The following SLC9D1 variants were observed in gnomAD, a reference collection of about 807,000 sequenced individuals.
The protein encoded by SLC9D1 is putative LAG1-interacting protein.
At chr13:113,548,414 G>A in the SLC9D1 span, 2 of 1,612,382 alleles carry the variant, frequency 1.2e-6, no homozygotes, top group Non-Finnish European at 1.7e-6. Flanking sequence ...CTTTGTCCTG[G>A]GGAGCCGGGC....
At chr13:113,538,105 A>G in the SLC9D1 span, among the ~76,000 whole-genome samples, 3 of 147,130 alleles carry the variant, frequency 2.0e-5, no homozygotes, top group Non-Finnish European at 4.5e-5. Context: ...TTACATGTGC[A>G]TGTATGTGTT....
At chr13:113,491,798 C>T in the SLC9D1 span, among the ~76,000 whole-genome samples, 1 of 152,250 alleles carries the variant, frequency 6.6e-6, no homozygotes, top group Non-Finnish European at 1.5e-5. Flanking sequence ...CGGCTCCTCA[C>T]GGTGTCCATG....
chr13:113,536,431 G>A, the SLC9D1 span: 2 of 309,330 alleles, frequency 6.5e-6, no homozygotes, highest in Non-Finnish European at 9.4e-6. Context: ...AAACCTGGGA[G>A]GAAATTATGA....
chr13:113,523,567 A>C, the SLC9D1 span, among the ~76,000 whole-genome samples: 2 of 152,164 alleles, frequency 1.3e-5, no homozygotes, highest in East Asian at 3.8e-4. Context: ...AATTGTATTA[A>C]TCTTTCCAAA....
At chr13:113,519,571 T>C in the SLC9D1 span, among the ~76,000 whole-genome samples, 1 of 152,246 alleles carries the variant, frequency 6.6e-6, no homozygotes. Context: ...TCATGGCTAC[T>C]ACTGTTCTGC....
chr13:113,498,217 T>C, the SLC9D1 span: 1 of 698,472 alleles, frequency 1.4e-6, no homozygotes, highest in Non-Finnish European at 2.2e-6. Context: ...CTTCCCTAGC[T>C]GACCAGAATT....
chr13:113,525,275 T>C, the SLC9D1 span, among the ~76,000 whole-genome samples: 2 of 152,182 alleles, frequency 1.3e-5, no homozygotes, highest in African/African-American at 4.8e-5. Context: ...CCTAGTGAGG[T>C]TGCAGCCCTT....
At chr13:113,518,345 G>A in the SLC9D1 span, among the ~76,000 whole-genome samples, 1 of 152,144 alleles carries the variant, frequency 6.6e-6, no homozygotes, top group South Asian at 2.1e-4. Flanking sequence ...GGACCTTGGT[G>A]AAGACCTGGT....
chr13:113,495,237 CA>C, the SLC9D1 span, among the ~76,000 whole-genome samples: 2 of 152,038 alleles, frequency 1.3e-5, no homozygotes, highest in African/African-American at 4.8e-5. Context: ...CGTCGCCCCC[CA>C]AAAAAATGAC....
At chr13:113,545,664 G>T in the SLC9D1 span, 1 of 150,608 alleles carries the variant, frequency 6.6e-6, no homozygotes, top group Non-Finnish European at 1.5e-5. Context: ...AGCTTGCACT[G>T]AGCTCAGGCA....
the SLC9D1 span, among the ~76,000 whole-genome samples, chr13:113,525,474 CCTT>C: frequency 3.9e-5 from 6 of 152,246 alleles, no homozygotes; most frequent in Non-Finnish European, 5.9e-5. Context: ...AGAGTGTACT[CCTT>C]CTACTTATAA....
the SLC9D1 span, among the ~76,000 whole-genome samples, chr13:113,515,909 A>G: frequency 4.6e-5 from 7 of 151,790 alleles, no homozygotes; most frequent in African/African-American, 1.5e-4. Flanking sequence ...AAAAAAAAAA[A>G]AAAAAGAAAT....
the SLC9D1 span, among the ~76,000 whole-genome samples, chr13:113,509,372 T>C: frequency 7.7e-5 from 8 of 104,484 alleles, no homozygotes; most frequent in African/African-American, 1.0e-4. Flanking sequence ...GCTGGTGGGC[T>C]TGGTGGGTGG....
chr13:113,548,602 C>CT, the SLC9D1 span: 1 of 805,042 alleles, frequency 1.2e-6, no homozygotes, highest in Non-Finnish European at 1.9e-6. Flanking sequence ...TGGCTGCTCT[C>CT]TGCTCATCCA....
At chr13:113,531,232 C>T in the SLC9D1 span, among the ~76,000 whole-genome samples, 2 of 152,230 alleles carry the variant, frequency 1.3e-5, no homozygotes, top group African/African-American at 4.8e-5. Context: ...CGCCAGGGAG[C>T]CCTTCCTCAC....
chr13:113,496,809 T>C, the SLC9D1 span, among the ~76,000 whole-genome samples: 1 of 152,238 alleles, frequency 6.6e-6, no homozygotes. Flanking sequence ...TCAATAACAC[T>C]GATTCATTTG....
At chr13:113,549,344 G>A in the SLC9D1 span, 1 of 1,512,648 alleles carries the variant, frequency 6.6e-7, no homozygotes, top group Non-Finnish European at 9.0e-7. Flanking sequence ...TCCCAGCTCA[G>A]TGAGACCAGC....
the SLC9D1 span, among the ~76,000 whole-genome samples, chr13:113,536,916 C>T: frequency 6.6e-6 from 1 of 152,188 alleles, no homozygotes; most frequent in Non-Finnish European, 1.5e-5. Context: ...CATGCCAGCC[C>T]GTCCTGCTGC....
chr13:113,522,291 T>C, the SLC9D1 span, among the ~76,000 whole-genome samples: 2 of 152,282 alleles, frequency 1.3e-5, no homozygotes, highest in South Asian at 4.1e-4. Flanking sequence ...TTCTGTCGAT[T>C]GCTTTTTCTA....
Sources: allele counts gnomAD v4.1 joint callset (sites outside exome capture counted in the v4.1 genomes callset), GRCh38; gene constraint gnomAD v4.1.1; transcripts MANE v1.5; gene names NCBI Gene and HGNC (gene_info 2026-07-23, HGNC 2026-07-21).